DPF3: variants seen among roughly 807,000 people sequenced by gnomAD.
DPF3 encodes the protein double PHD fingers 3.
DPF3 carries 18 observed loss-of-function variants against 56.8 expected under a neutral mutation model. The ratio of observed to expected loss-of-function variants is 0.32; its 90% confidence interval spans 0.22 to 0.47. DPF3 has a LOEUF of 0.47. Among genes scored for constraint, DPF3 ranks in the 20% least tolerant of loss-of-function variants. The pLI is 1.00. For missense variants in DPF3, 403 were observed against 488.8 expected (o/e 0.82, Z 1.65); for synonymous variants, 188 against 180.2 (o/e 1.04, Z -0.35).
rs912204754 is a variant in DPF3 at position 72,682,841 on chromosome 14, A to G, written c.743-8473T>C. Reference sequence around the variant, plus strand: ...GTCAGAGACGTCTGCCCTACATGGGATAGAGCATTAGGAAAAGAGCAAAAA... The same window carrying G: ...GTCAGAGACGTCTGCCCTACATGGGGTAGAGCATTAGGAAAAGAGCAAAAA... On this transcript the variant is annotated intron_variant, in intron 7 of 10. Transcript: ENST00000556509. Among the ~76,000 whole-genome samples, 21 of 152,326 alleles carry G rather than the reference A, an allele frequency of 1.4e-4. 1 individual carries two copies. Among genetic ancestry groups the G allele is most frequent in the African/African-American group, 5.1e-4 (21 of 41,560 alleles).
chr14:72,858,549 T>A (rs1338504758), intron 1 of DPF3, among the ~76,000 whole-genome samples: 1 of 152,058 alleles, frequency 6.6e-6, no homozygotes, highest in Non-Finnish European at 1.5e-5. Flanking sequence ...CAAACCACAG[T>A]TATTGGTGGA....
intron 5 of DPF3, among the ~76,000 whole-genome samples, chr14:72,717,614 T>C (rs1888986884): frequency 6.6e-6 from 1 of 152,234 alleles, no homozygotes; most frequent in South Asian, 2.1e-4. Context: ...TATGACCCCC[T>C]AACACTTAGC....
chr14:72,663,038 G>A (rs1047230279), intron 8 of DPF3, among the ~76,000 whole-genome samples: 2 of 151,678 alleles, frequency 1.3e-5, no homozygotes, highest in Non-Finnish European at 2.9e-5. Flanking sequence ...TGTGTCCAGC[G>A]CCTTGAACTT....
intron 9 of DPF3, among the ~76,000 whole-genome samples, chr14:72,626,497 T>C (rs570557469): frequency 1.3e-5 from 2 of 152,304 alleles, no homozygotes; most frequent in East Asian, 3.9e-4. Context: ...TCCAAATCAA[T>C]TCATAGACAT....
intron 8 of DPF3, among the ~76,000 whole-genome samples, chr14:72,669,727 A>G (rs1886586773): frequency 1.3e-5 from 2 of 152,076 alleles, no homozygotes; most frequent in Non-Finnish European, 2.9e-5. Flanking sequence ...TCCAAGCAAG[A>G]CTCAGATCAC....
chr14:72,744,691 C>G lies in DPF3; in HGVS notation c.301+8573G>C, dbSNP rs546141659. On this transcript the variant is annotated intron_variant, in intron 3 of 10. Coordinates refer to ENST00000556509, the MANE Select transcript of DPF3 (RefSeq NM_001280542.3). ...TCCGCAGACCTGAGCTCAGAGAAAA[C>G]TCTGACCCTCGTTACCCCTGGACTT... Among the ~76,000 whole-genome samples, 3 of 152,168 alleles carry G rather than the reference C, an allele frequency of 2.0e-5. No individual in the cohort carries two copies. In the South Asian group the frequency reaches 6.2e-4, roughly 32 times the overall value.
At chr14:72,690,644 C>T (rs10220280) in intron 7 of DPF3, among the ~76,000 whole-genome samples, 7 of 151,706 alleles carry the variant, frequency 4.6e-5, no homozygotes, top group South Asian at 2.1e-4. Flanking sequence ...CGCACACACA[C>T]GCATAGACAC....
chr14:72,879,726 T>G, intron 1 of DPF3: 1 of 1,437,030 alleles, frequency 7.0e-7, no homozygotes, highest in Non-Finnish European at 9.2e-7. Context: ...GTGACAAGAG[T>G]CGTCTCTCTG....
intron 3 of DPF3, among the ~76,000 whole-genome samples, chr14:72,735,343 C>A (rs996630562): frequency 6.6e-6 from 1 of 152,176 alleles, no homozygotes; most frequent in African/African-American, 2.4e-5. Context: ...TAGAATGTTC[C>A]ATCAATAGTG....
At chr14:72,799,430 TGAGG>T (rs1191938717) in intron 1 of DPF3, among the ~76,000 whole-genome samples, 1 of 151,976 alleles carries the variant, frequency 6.6e-6, no homozygotes, top group East Asian at 1.9e-4. Context: ...TTTGGGAGGC[TGAGG>T]AAGGAGGATT....
chr14:72,741,020 C>T (rs993561780), intron 3 of DPF3, among the ~76,000 whole-genome samples: 4 of 152,012 alleles, frequency 2.6e-5, no homozygotes, highest in African/African-American at 9.7e-5. Context: ...GCCTAAGGAA[C>T]ACAGCAAGGC....
chr14:72,700,323 T>G (rs754775379), intron 6 of DPF3, among the ~76,000 whole-genome samples: 7 of 152,218 alleles, frequency 4.6e-5, no homozygotes, highest in Non-Finnish European at 8.8e-5. Context: ...TTTAATGCCC[T>G]GCTGTTGGCA....
At chr14:72,887,942 C>T (rs1886611809) in intron 1 of DPF3, among the ~76,000 whole-genome samples, 1 of 152,134 alleles carries the variant, frequency 6.6e-6, no homozygotes, top group Non-Finnish European at 1.5e-5. Context: ...ATCATTCAAA[C>T]AGCAGATTTT....
chr14:72,759,378 A>G (rs1472697004), intron 2 of DPF3, among the ~76,000 whole-genome samples: 1 of 152,218 alleles, frequency 6.6e-6, no homozygotes, highest in Non-Finnish European at 1.5e-5. Flanking sequence ...TGTAGAAATA[A>G]TGGCTGGAGG....
At position 72,700,221 on chromosome 14, in the gene DPF3, T is replaced by A. The variant is rs115391538; in HGVS notation, c.605-7008A>T. 9.6e-3 allele frequency among the ~76,000 whole-genome samples: 1,459 copies of A among 152,320 alleles called. 24 individuals carry two copies. Among genetic ancestry groups the A allele is most frequent in the African/African-American group, 0.034 (1,396 of 41,560 alleles). On this transcript the variant is annotated intron_variant, in intron 6 of 10. Transcript: ENST00000556509. ...TTCTCCTTCTGTGTTTAATCATGTC[T>A]TCCTGTCACTGCAAACACCATGGGC... is the stretch of plus-strand genomic sequence containing the variant.
intron 8 of DPF3, among the ~76,000 whole-genome samples, chr14:72,635,096 A>G (rs1324813163): frequency 6.6e-6 from 1 of 152,118 alleles, no homozygotes; most frequent in Non-Finnish European, 1.5e-5. Context: ...ACTGACCTCA[A>G]TCCTCCCTAG....
intron 9 of DPF3, among the ~76,000 whole-genome samples, chr14:72,624,994 T>G (rs895162585): frequency 9.2e-5 from 14 of 152,344 alleles, no homozygotes; most frequent in African/African-American, 3.4e-4. Context: ...TTTTTTTCAC[T>G]GTAAAGTTAC....
rs1375749666 is a variant in DPF3, at chr14:72,756,856, GAAA to G, written c.194-3488_194-3486del. ...AGAAAGAAAGAAAGAAAGAAAGAAA[GAAA>G]GAAAGAAAGAAAGGAAGGAAAGAAG... is the stretch of plus-strand genomic sequence containing the variant. On this transcript the variant is annotated intron_variant, in intron 2 of 10. Transcript: ENST00000556509. 9.3e-3 allele frequency among the ~76,000 whole-genome samples: 976 copies of G among 104,706 alleles called. 12 individuals carry two copies. The highest frequency in any genetic ancestry group is 0.031 in the Middle Eastern group (8 of 256). 68.7% of individuals were successfully genotyped at this position (104,706 alleles called of 152,430 possible).
chr14:72,732,932 C>T (rs1369863057), intron 3 of DPF3, among the ~76,000 whole-genome samples: 1 of 149,490 alleles, frequency 6.7e-6, no homozygotes, highest in Non-Finnish European at 1.5e-5. Context: ...CTCTCTCTCT[C>T]TCTTTCTTTC....
Sources: gnomAD v4.1 joint callset for allele counts (sites outside exome capture counted in the v4.1 genomes callset) on GRCh38, gnomAD v4.1.1 for gene constraint, MANE v1.5 for transcripts, NCBI Gene and HGNC (gene_info 2026-07-23, HGNC 2026-07-21) for gene names.